COL6A5: variants seen among roughly 807,000 people sequenced by gnomAD.
COL6A5 encodes collagen alpha-5(VI) chain.
A neutral mutation model predicts 65.6 loss-of-function variants in COL6A5; 48 were observed. That is an observed-to-expected ratio of 0.73 (90% confidence interval 0.58 to 0.93). The LOEUF is 0.93. Among genes scored for constraint, COL6A5 ranks in the 40% least tolerant of loss-of-function variants. The pLI, the probability that COL6A5 is intolerant of heterozygous loss-of-function variation, is 0.00. For synonymous variants in COL6A5, 291 were observed against 322.8 expected (o/e 0.90, Z 1.05); for missense variants, 914 against 928.3 (o/e 0.98, Z 0.20).
At chr3:130,458,228 C>T (rs1205195139) in intron 5 of COL6A5, among the ~76,000 whole-genome samples, 1 of 152,110 alleles carries the variant, frequency 6.6e-6, no homozygotes, top group Non-Finnish European at 1.5e-5. Context: ...CGAAGGACAA[C>T]CTATATCAGA....
intron 1 of COL6A5, among the ~76,000 whole-genome samples, chr3:130,438,472 C>G (rs1451380368): frequency 1.3e-5 from 2 of 152,106 alleles, no homozygotes; most frequent in Non-Finnish European, 2.9e-5. Context: ...CTTGGTTTAC[C>G]AGGTCAACAT....
At chr3:130,426,384 G>T in exon 31 of COL6A5, 1 of 1,551,200 alleles carries the variant, frequency 6.4e-7, no homozygotes, top group Non-Finnish European at 8.7e-7. Context: ...ATCTGATCCG[G>T]TTTTTGCGGG....
At chr3:130,431,447 T>C (rs114191151), upstream of COL6A5, 1,015 of 1,547,792 alleles carry the variant, frequency 6.6e-4, 7 homozygotes, top group African/African-American at 9.3e-3. Flanking sequence ...TTAATACTTC[T>C]GCTTTTCTTT....
rs536342824 is a variant in COL6A5 at position 130,447,942 on chromosome 3, A to C, written c.1332+4376A>C. Among the ~76,000 whole-genome samples the C allele has an allele frequency of 5.3e-5, 8 of 152,300 alleles. No homozygotes were observed. In the South Asian group the frequency reaches 1.7e-3, roughly 32 times the overall value. ...AGATGTCATTTTTATAAAATCAAAC[A>C]ATTTGTTTTTTGGATAGTGATTGTC... On this transcript the variant is annotated intron_variant, in intron 4 of 7. Coordinates refer to ENST00000512836, the Ensembl canonical transcript of COL6A5.
At chr3:130,383,379 A>G (rs1410632957) in intron 4 of COL6A5, among the ~76,000 whole-genome samples, 1 of 152,038 alleles carries the variant, frequency 6.6e-6, no homozygotes, top group African/African-American at 2.4e-5. Context: ...ATGAATGGGC[A>G]TTGCTACAGT....
At chr3:130,419,363 A>G (rs985213301) in intron 25 of COL6A5, among the ~76,000 whole-genome samples, 6 of 152,168 alleles carry the variant, frequency 3.9e-5, no homozygotes, top group African/African-American at 1.4e-4. Flanking sequence ...TGGCTGTAAC[A>G]AGATCTCAGC....
intron 18 of COL6A5, among the ~76,000 whole-genome samples, chr3:130,409,603 T>C (rs1450532993): frequency 6.6e-6 from 1 of 152,198 alleles, no homozygotes; most frequent in African/African-American, 2.4e-5. Flanking sequence ...GACTTTCTGG[T>C]TCCTTTGGGA....
chr3:130,389,945 C>T (rs368787657), intron 6 of COL6A5, among the ~76,000 whole-genome samples: 4 of 152,104 alleles, frequency 2.6e-5, no homozygotes, highest in African/African-American at 9.7e-5. Context: ...CCTGTGGCAA[C>T]ATAGAGATTT....
intron 20 of COL6A5, among the ~76,000 whole-genome samples, chr3:130,410,950 T>C (rs771671432): frequency 6.6e-6 from 1 of 152,204 alleles, no homozygotes; most frequent in South Asian, 2.1e-4. Context: ...CCAATGATTT[T>C]GACACAAAAG....
At chr3:130,424,834 A>T (rs780098509) in intron 29 of COL6A5, among the ~76,000 whole-genome samples, 1 of 152,058 alleles carries the variant, frequency 6.6e-6, no homozygotes, top group Non-Finnish European at 1.5e-5. Flanking sequence ...TTCTGGATTT[A>T]TCTCCTCAGA....
intron 21 of COL6A5, 121 bp downstream of exon 21, chr3:130,413,701 C>T: frequency 3.0e-6 from 3 of 1,012,866 alleles, no homozygotes. Flanking sequence ...GTGCCCAGTA[C>T]TGGACGTGAT....
At chr3:130,455,868 C>G (rs1709560054) in intron 5 of COL6A5, among the ~76,000 whole-genome samples, 1 of 152,204 alleles carries the variant, frequency 6.6e-6, no homozygotes, top group East Asian at 1.9e-4. Context: ...ACTGATAGAA[C>G]CTCTCAGAAA....
intron 1 of COL6A5, among the ~76,000 whole-genome samples, chr3:130,362,289 C>CATATATATATATATAT (rs1184871633): frequency 4.0e-4 from 5 of 12,530 alleles, no homozygotes; most frequent in African/African-American, 6.6e-4. Flanking sequence ...TGTCTTTCTC[C>CATATATATATATATAT]ATATATATAT....
At chr3:130,427,968 G>A (rs535949852), upstream of COL6A5, among the ~76,000 whole-genome samples, 74 of 152,188 alleles carry the variant, frequency 4.9e-4, no homozygotes, top group African/African-American at 1.6e-3. Context: ...AAGAACCATT[G>A]TAGGAGAAAT....
chr3:130,484,776 C>T (rs551766829), exon 8 of COL6A5: 3 of 398,788 alleles, frequency 7.5e-6, no homozygotes, highest in African/African-American at 6.2e-5. Flanking sequence ...CTCTATATGA[C>T]CAGAGATGTT....
intron 1 of COL6A5, among the ~76,000 whole-genome samples, chr3:130,354,035 G>C (rs996398182): frequency 3.3e-5 from 5 of 149,892 alleles, no homozygotes; most frequent in African/African-American, 1.2e-4. Context: ...AAAGAGAGAA[G>C]TAGAGAAAGC....
chr3:130,410,678 T>C (rs1273032562), intron 20 of COL6A5, among the ~76,000 whole-genome samples, 154 bp downstream of exon 20: 1 of 152,100 alleles, frequency 6.6e-6, no homozygotes, highest in East Asian at 1.9e-4. Context: ...GGGCCAATAA[T>C]TATTTCTTGT....
At chr3:130,408,377 C>T (rs2403348) in intron 17 of COL6A5, among the ~76,000 whole-genome samples, 88,658 of 151,742 alleles carry the variant, frequency 0.58, 28,422 homozygotes, top group Non-Finnish European at 0.73. Flanking sequence ...TCTCCTGCAA[C>T]GCCCCCAGGC....
At chr3:130,397,777 G>C in exon 9 of COL6A5, 1 of 1,551,668 alleles carries the variant, frequency 6.4e-7, no homozygotes, top group Non-Finnish European at 8.7e-7. Flanking sequence ...CAGTGACCAA[G>C]GATTCCCTGC....
Sources: allele counts gnomAD v4.1 joint callset (sites outside exome capture counted in the v4.1 genomes callset), GRCh38; gene constraint gnomAD v4.1.1; transcripts MANE v1.5; gene names NCBI Gene and HGNC (gene_info 2026-07-23, HGNC 2026-07-21).